Variants in PCSK6 observed in about 807,000 individuals in gnomAD.
PCSK6 encodes the protein proprotein convertase subtilisin/kexin type 6.
In PCSK6, 85 loss-of-function variants were observed where a neutral mutation model predicts 123.3. The ratio of observed to expected loss-of-function variants is 0.69; its 90% CI spans 0.58 to 0.83. PCSK6 has a LOEUF of 0.83. PCSK6 is among the 40% of genes least tolerant of loss of function. The pLI, the probability that PCSK6 is intolerant of heterozygous loss-of-function variation, is 0.00. For missense variants in PCSK6, 1,191 were observed against 1,282.3 expected, an observed-to-expected ratio of 0.93 and a Z score of 1.09; for synonymous variants, 508 against 516.0, an observed-to-expected ratio of 0.98 and a Z score of 0.21.
At chr15:101,481,540 G>T (rs1159047758) in intron 1 of PCSK6, among the ~76,000 whole-genome samples, 1 of 152,202 alleles carries the variant, frequency 6.6e-6, no homozygotes, top group East Asian at 1.9e-4. Flanking sequence ...CGGTGGGGTG[G>T]GGCAGGAGGA....
chr15:101,367,159 C>G (rs1567168751), intron 12 of PCSK6, among the ~76,000 whole-genome samples: 1 of 152,174 alleles, frequency 6.6e-6, no homozygotes, highest in African/African-American at 2.4e-5. Flanking sequence ...CCTTGAGCCC[C>G]TGGGCCTTCT....
At chr15:101,348,896 C>G (rs2040818430) in intron 13 of PCSK6, among the ~76,000 whole-genome samples, 1 of 152,234 alleles carries the variant, frequency 6.6e-6, no homozygotes, top group Non-Finnish European at 1.5e-5. Flanking sequence ...GCAGCCTGGT[C>G]TCCTCCCGCC....
At chr15:101,359,348 G>A (rs987126477) in intron 13 of PCSK6, among the ~76,000 whole-genome samples, 8 of 152,322 alleles carry the variant, frequency 5.3e-5, no homozygotes, top group African/African-American at 1.4e-4. Flanking sequence ...TTCTACCCAC[G>A]CTGAGGGGTG....
intron 6 of PCSK6, among the ~76,000 whole-genome samples, chr15:101,411,590 A>G (rs1596307287): frequency 1.3e-5 from 2 of 152,168 alleles, no homozygotes; most frequent in African/African-American, 4.8e-5. Context: ...AAAGAGGGGC[A>G]CCCAATTAAA....
intron 1 of PCSK6, among the ~76,000 whole-genome samples, chr15:101,476,529 A>AG (rs2057734479): frequency 6.6e-6 from 1 of 151,702 alleles, no homozygotes; most frequent in Admixed American, 6.6e-5. Context: ...AGGTCCAAAA[A>AG]AAAAAACATG....
chr15:101,455,136 G>C (rs1464744758), intron 1 of PCSK6, among the ~76,000 whole-genome samples: 1 of 149,624 alleles, frequency 6.7e-6, no homozygotes, highest in East Asian at 1.9e-4. Flanking sequence ...TTTCTATTAT[G>C]TGTATTTGAC....
intron 1 of PCSK6, among the ~76,000 whole-genome samples, chr15:101,482,019 C>A (rs1184555121): frequency 6.6e-6 from 1 of 152,208 alleles, no homozygotes; most frequent in Non-Finnish European, 1.5e-5. Flanking sequence ...TGCACGCACC[C>A]GGTGGACAGA....
chr15:101,410,640 C>A (rs1314864067), intron 6 of PCSK6, among the ~76,000 whole-genome samples: 1 of 152,214 alleles, frequency 6.6e-6, no homozygotes. Context: ...ACTGCGAAGG[C>A]TTCCCCTTCT....
At chr15:101,479,572 C>G (rs2057819005) in intron 1 of PCSK6, among the ~76,000 whole-genome samples, 1 of 152,180 alleles carries the variant, frequency 6.6e-6, no homozygotes, top group Non-Finnish European at 1.5e-5. Context: ...TCGGACAGGG[C>G]TGTGGTCGGT....
At chr15:101,382,017 C>A in intron 11 of PCSK6, 75 bp downstream of exon 11, 2 of 979,240 alleles carry the variant, frequency 2.0e-6, no homozygotes, top group Non-Finnish European at 3.1e-6. Flanking sequence ...ACACCTCCCC[C>A]AGCCACACCT....
intron 6 of PCSK6, among the ~76,000 whole-genome samples, chr15:101,411,547 AG>A (rs2055686601): frequency 6.6e-6 from 1 of 152,206 alleles, no homozygotes; most frequent in Non-Finnish European, 1.5e-5. Context: ...ACGACCAAGA[AG>A]CAGCCCATGT....
chr15:101,342,129 C>CAAAAAAAAAAAAAAAAAAAAA (rs35083182), intron 13 of PCSK6, among the ~76,000 whole-genome samples: 1 of 51,524 alleles, frequency 1.9e-5, no homozygotes, highest in African/African-American at 7.6e-5. Context: ...GACCCTGTCT[C>CAAAAAAAAAAAAAAAAAAAAA]AAAAAAAAAA....
At chr15:101,370,125 A>G (rs1274311082) in intron 12 of PCSK6, among the ~76,000 whole-genome samples, 1 of 152,220 alleles carries the variant, frequency 6.6e-6, no homozygotes, top group Admixed American at 6.5e-5. Context: ...GACCTTTTGG[A>G]AGGCAAGGTT....
intron 7 of PCSK6, among the ~76,000 whole-genome samples, chr15:101,395,383 C>T (rs538811943): frequency 3.3e-5 from 5 of 152,324 alleles, no homozygotes; most frequent in East Asian, 3.9e-4. Flanking sequence ...GCTCTGGACC[C>T]CACTTTGAAT....
Position 101,447,738 on chromosome 15 carries a change from G to A in PCSK6, c.298-4078C>T, listed in dbSNP as rs545122033. Among the ~76,000 whole-genome samples the A allele has an allele frequency of 7.3e-4, 111 of 152,370 alleles. 3 individuals carry two copies. The highest frequency in any genetic ancestry group is 3.4e-3 in the Middle Eastern group (1 of 294). ...CTGCTCAGCAGCCTGGACGTCCTGG[G>A]TGGCTGCTGCTTGGCTGTGGCCTCG... On this transcript the variant is annotated intron_variant, in intron 1 of 21. Coordinates refer to ENST00000611716, the MANE Select transcript of PCSK6 (RefSeq NM_002570.5).
At chr15:101,347,474 C>A in intron 13 of PCSK6, 1 of 1,261,190 alleles carries the variant, frequency 7.9e-7, no homozygotes, top group Non-Finnish European at 1.0e-6. Flanking sequence ...CTTCATTAAA[C>A]ATTTTACTGA....
chr15:101,311,037 T>C (rs999518633), intron 20 of PCSK6, among the ~76,000 whole-genome samples: 2 of 152,170 alleles, frequency 1.3e-5, no homozygotes, highest in African/African-American at 4.8e-5. Flanking sequence ...CCCTCATAAA[T>C]GGCCTCACAC....
intron 21 of PCSK6, among the ~76,000 whole-genome samples, chr15:101,306,481 G>A (rs2039726840): frequency 6.6e-6 from 1 of 152,168 alleles, no homozygotes. Flanking sequence ...CCTGGACACT[G>A]GAGCAGAGAG....
At chr15:101,421,238 G>T (rs532436025) in intron 6 of PCSK6, among the ~76,000 whole-genome samples, 1 of 152,136 alleles carries the variant, frequency 6.6e-6, no homozygotes, top group Non-Finnish European at 1.5e-5. Flanking sequence ...GAGCCACCAC[G>T]CCTGGCTATT....
Sources: gnomAD v4.1 joint callset for allele counts (sites outside exome capture counted in the v4.1 genomes callset) on GRCh38, gnomAD v4.1.1 for gene constraint, MANE v1.5 for transcripts, NCBI Gene and HGNC (gene_info 2026-07-23, HGNC 2026-07-21) for gene names.